ALDH4A1: variants seen among roughly 807,000 people sequenced by gnomAD.
ALDH4A1 encodes the protein aldehyde dehydrogenase 4 family member A1.
Under a neutral mutation model 70.5 loss-of-function variants are expected in ALDH4A1, and 46 were observed. The observed-to-expected ratio is 0.65, with a 90% CI of 0.51 to 0.83. ALDH4A1 has a LOEUF of 0.83. Ranked by LOEUF, ALDH4A1 falls within the 40% of genes least tolerant of loss-of-function variation. ALDH4A1 has a pLI of 0.00. For synonymous variants in ALDH4A1, 323 were observed against 324.3 expected (o/e 1.00, Z 0.04); for missense variants, 749 against 766.5 (o/e 0.98, Z 0.27).
chr1:18,887,460 G>A lies in ALDH4A1; in HGVS notation c.250-949C>T, dbSNP rs185758126. On this transcript the variant is annotated intron_variant, in intron 3 of 14. Transcript: ENST00000375341. Reference sequence around the variant, plus strand: ...TAAAAATACAAAAAATTAGCTGGGCGTGGTGGCGGATGCCTGTAATCCCAG... The same window carrying A: ...TAAAAATACAAAAAATTAGCTGGGCATGGTGGCGGATGCCTGTAATCCCAG... 8.5e-3 allele frequency among the ~76,000 whole-genome samples: 1,298 copies of A among 152,310 alleles called. 22 individuals are homozygous for A. Among genetic ancestry groups the A allele is most frequent in the African/African-American group, 0.03 (1,244 of 41,566 alleles).
chr1:18,886,381 G>A lies in ALDH4A1; in HGVS notation c.297+83C>T, dbSNP rs949827211. ...AAGGACACAGCAACTGATGCCCCCT[G>A]CCCCCGCCATATCAGCAGCTGGCAG... On this transcript the variant is annotated intron_variant, in intron 4 of 14. Transcript: ENST00000375341. 4.7e-6 allele frequency: 7 copies of A among 1,495,016 alleles called. No individual in the cohort carries two copies. In the South Asian group the frequency reaches 6.8e-5, roughly 15 times the overall value. 92.6% of individuals were successfully genotyped at this position (1,495,016 alleles called of 1,614,324 possible).
chr1:18,890,731 A>G (rs1430370256), intron 1 of ALDH4A1: 1 of 985,452 alleles, frequency 1.0e-6, no homozygotes, highest in Admixed American at 6.1e-5. Flanking sequence ...ATGCAAAACC[A>G]CGTTGAAGTA....
In ALDH4A1 at chr1:18,880,613, G is replaced by C. The variant is rs905551427; in HGVS notation, c.866+1087C>G. On this transcript the variant is annotated intron_variant, in intron 8 of 14. Transcript: ENST00000375341. The surrounding 1 kb of genome is among the most constrained non-coding windows in gnomAD (Gnocchi z 5.1). Reference sequence around the variant, plus strand: ...ACACAGGGGCCCAGAGGAGCCAGCAGGGAAAGGAAACAGCGTGGATCAGGT... The same window carrying C: ...ACACAGGGGCCCAGAGGAGCCAGCACGGAAAGGAAACAGCGTGGATCAGGT... Among the ~76,000 whole-genome samples, 1 of 152,160 alleles carries C rather than the reference G, an allele frequency of 6.6e-6. No individual in the cohort carries two copies. Among genetic ancestry groups the C allele is most frequent in the Non-Finnish European group, 1.5e-5 (1 of 68,026 alleles).
Position 18,876,455 on chromosome 1 carries a change from T to C in ALDH4A1, c.1198A>G (p.Ile400Val), listed in dbSNP as rs963927418. 6.3e-5 allele frequency: 101 copies of C among 1,598,850 alleles called. No individual in the cohort carries two copies. The highest frequency in any genetic ancestry group is 8.4e-5 in the Non-Finnish European group (99 of 1,174,496). ...AVIDAKSFAR[I>V]KKWLEHARSS... is the part of the protein sequence containing the mutation. ...CGTGCGTGCTCCAGCCACTTCTTGA[T>C]ACGGGCAAAGGACTGGGGTGGGCAG... The change falls in exon 12 of 15, where the codon ATC (isoleucine) becomes GTC (valine). Residue 400 changes from isoleucine to valine, a missense_variant. By Grantham distance (29) the Ile-to-Val change is conservative. Transcript: ENST00000375341.
chr1:18,886,531 A>G lies in ALDH4A1; in HGVS notation c.250-20T>C. 1 of 1,613,754 alleles carries G rather than the reference A, an allele frequency of 6.2e-7. No individual in the cohort carries two copies. ...AAAAGGCTGAAAGGAGAGAAGAGTG[A>G]GGTCCTTGCCCGGGAGGGAGGTGCC... On this transcript the variant is annotated intron_variant, in intron 3 of 14. Coordinates refer to ENST00000375341, the MANE Select transcript of ALDH4A1 (RefSeq NM_003748.4).
intron 1 of ALDH4A1, among the ~76,000 whole-genome samples, chr1:18,891,453 G>C (rs1328607676): frequency 6.6e-6 from 1 of 152,084 alleles, no homozygotes; most frequent in African/African-American, 2.4e-5. Context: ...CAGACAACCC[G>C]AACAGCTGGA....
chr1:18,876,370 A>G lies in ALDH4A1; in HGVS notation c.1283T>C (p.Phe428Ser). 4 of 1,613,844 alleles carry G rather than the reference A, an allele frequency of 2.5e-6. No individual in the cohort carries two copies. Among genetic ancestry groups the G allele is most frequent in the Non-Finnish European group, 2.5e-6 (3 of 1,179,948 alleles). ...GGKCDDSVGY[F>S]VEPCIVESKD... ...GCTCTCCACGATGCAGGGCTCCACA[A>G]AGTAGCCCACGGAGTCATCACACTT... Residue 428 changes from phenylalanine (F) to serine (S), a missense_variant, in exon 12 of 15, where the codon TTT becomes TCT. Phe to Ser is a radical substitution (Grantham distance 155, BLOSUM62 -2). Coordinates refer to ENST00000375341, the MANE Select transcript of ALDH4A1 (RefSeq NM_003748.4).
intron 1 of ALDH4A1, among the ~76,000 whole-genome samples, chr1:18,894,695 G>A (rs1288308074): frequency 6.6e-6 from 1 of 152,184 alleles, no homozygotes; most frequent in Non-Finnish European, 1.5e-5. Flanking sequence ...ATGCCCCCAC[G>A]GCTTTCCCTG....
intron 1 of ALDH4A1, among the ~76,000 whole-genome samples, chr1:18,897,427 C>T (rs527621405): frequency 1.3e-5 from 2 of 152,314 alleles, no homozygotes; most frequent in East Asian, 3.9e-4. Context: ...CCTGTAGTCT[C>T]AGCTACTTAG....
chr1:18,893,566 G>A (rs376521342), intron 1 of ALDH4A1, among the ~76,000 whole-genome samples: 24 of 151,852 alleles, frequency 1.6e-4, no homozygotes, highest in Non-Finnish European at 2.6e-4. Context: ...GCAGTGGTGC[G>A]ATCTCAGCTC....
chr1:18,875,931 C>T (rs1350213733), intron 12 of ALDH4A1, among the ~76,000 whole-genome samples: 1 of 152,236 alleles, frequency 6.6e-6, no homozygotes, highest in Non-Finnish European at 1.5e-5. Context: ...CCAACTTGGG[C>T]AAGTGCCTTG....
At chr1:18,876,525 C>T in intron 11 of ALDH4A1, 58 bp from the exon 12 acceptor site, 2 of 1,516,102 alleles carry the variant, frequency 1.3e-6, no homozygotes, top group South Asian at 1.2e-5. Flanking sequence ...CCTGCGGCAG[C>T]CCCCACAACA....
Position 18,872,795 on chromosome 1 carries a change from G to A in ALDH4A1, c.*50C>T. ...GCTGGAGTGGGGTCTGTGCAGTGAG[G>A]TCGGCCACCTGGACGGACAGACAGC... On this transcript the variant is annotated 3_prime_UTR_variant, in exon 15 of 15. Transcript: ENST00000375341. 6.7e-7 allele frequency: 1 copy of A among 1,481,806 alleles called. No homozygotes were observed. Among genetic ancestry groups the A allele is most frequent in the Non-Finnish European group, 9.4e-7 (1 of 1,065,638 alleles). The allele number at this position is 1,481,806 out of a possible 1,614,324, so 91.8% of individuals were successfully genotyped here.
chr1:18,888,266 G>A (rs1015602758), intron 3 of ALDH4A1, among the ~76,000 whole-genome samples: 2 of 152,096 alleles, frequency 1.3e-5, no homozygotes, highest in Non-Finnish European at 2.9e-5. Context: ...CTCTGTATTC[G>A]GGCCACACCT....
intron 4 of ALDH4A1, among the ~76,000 whole-genome samples, chr1:18,885,998 A>G (rs191839408): frequency 6.6e-6 from 1 of 152,276 alleles, no homozygotes; most frequent in Non-Finnish European, 1.5e-5. Flanking sequence ...GGAGCCTGAG[A>G]CACGGCTCTG....
Position 18,872,719 on chromosome 1 carries a change from G to A in ALDH4A1, c.*126C>T. ...GCCAGAATACAGTGGTAAGAAGGGAGTCAAGCCCGGATTATAGAAAGGCAG... is the reference window on the plus strand; with the variant it reads ...GCCAGAATACAGTGGTAAGAAGGGAATCAAGCCCGGATTATAGAAAGGCAG... On this transcript the variant is annotated 3_prime_UTR_variant, in exon 15 of 15. Coordinates refer to ENST00000375341, the MANE Select transcript of ALDH4A1 (RefSeq NM_003748.4). The A allele has an allele frequency of 1.4e-6, 1 of 739,628 alleles. No homozygotes were observed. Among genetic ancestry groups the A allele is most frequent in the East Asian group, 2.5e-5 (1 of 40,192 alleles). 45.8% of individuals were successfully genotyped at this position (739,628 alleles called of 1,614,324 possible).
chr1:18,893,965 C>T (rs889564335), intron 1 of ALDH4A1, among the ~76,000 whole-genome samples: 2 of 152,168 alleles, frequency 1.3e-5, no homozygotes, highest in Non-Finnish European at 2.9e-5. Context: ...GTTCTGAGCT[C>T]GAATAAACTA....
At position 18,875,380 on chromosome 1, in the gene ALDH4A1, A is replaced by C. The variant is rs201822419; in HGVS notation, c.1460+2T>G. The C allele has an allele frequency of 6.2e-7, 1 of 1,613,940 alleles. No homozygotes were observed. Among genetic ancestry groups the C allele is most frequent in the African/African-American group, 1.3e-5 (1 of 74,910 alleles). On this transcript the variant is annotated splice_donor_variant, in intron 13 of 14. Coordinates refer to ENST00000375341, the MANE Select transcript of ALDH4A1 (RefSeq NM_003748.4). LOFTEE classifies it high-confidence loss of function. ...CACCAGGGCTGCGGCCTGGCCACTC[A>C]CTTATCCTGGGAGAACACTGCCCCC...
chr1:18,887,335 C>T (rs965316665), intron 3 of ALDH4A1, among the ~76,000 whole-genome samples: 15 of 152,256 alleles, frequency 9.9e-5, no homozygotes, highest in African/African-American at 1.9e-4. Flanking sequence ...CGCGGTGGCT[C>T]ACACCTGTGA....
Sources: allele counts gnomAD v4.1 joint callset (sites outside exome capture counted in the v4.1 genomes callset), GRCh38; gene constraint gnomAD v4.1.1; non-coding constraint Gnocchi (gnomAD v3.1); transcripts MANE v1.5; gene names NCBI Gene and HGNC (gene_info 2026-07-23, HGNC 2026-07-21).